The following EFCAB3 variants were observed in gnomAD, a reference collection of about 807,000 sequenced individuals.
EFCAB3 encodes the protein EF-hand calcium binding domain 3.
In EFCAB3, 36 loss-of-function variants were observed where a neutral mutation model predicts 42.2. The ratio of observed to expected loss-of-function variants is 0.85; its 90% CI spans 0.65 to 1.13. The LOEUF is 1.13. Among genes scored for constraint, EFCAB3 ranks in the 50% most tolerant of loss-of-function variants. The pLI is 0.00. For missense variants in EFCAB3, 418 were observed against 505.1 expected, an observed-to-expected ratio of 0.83 and a Z score of 1.65; for synonymous variants, 170 against 172.8, an observed-to-expected ratio of 0.98 and a Z score of 0.13.
intron 7 of EFCAB3, 144 bp from the exon 8 acceptor site, chr17:62,406,884 G>C (rs2052385): frequency 6.9e-5 from 28 of 406,176 alleles, no homozygotes; most frequent in African/African-American, 2.6e-4. Flanking sequence ...GTGGATGGGT[G>C]GGGGGTGGGA....
Position 62,406,505 on chromosome 17 carries a change from A to G in EFCAB3, c.514A>G (p.Thr172Ala). ...CTATTTCCAAAGAAAATTCCAGCAT[A>G]CTGGCCCAGGAATGTTGTGGAGTCC... ...VSYFQRKFQH[T>A]GPGMLWSPYT... Residue 172 changes from threonine (T) to alanine (A), a missense_variant, in exon 7 of 10, where the codon ACT (threonine) becomes GCT (alanine). Physicochemically the swap from Thr to Ala is moderately conservative, Grantham distance 58. Transcript: ENST00000305286. 1 of 1,602,178 alleles carries G rather than the reference A, an allele frequency of 6.2e-7. No homozygotes were observed. The highest frequency in any genetic ancestry group is 8.5e-7 in the Non-Finnish European group (1 of 1,173,906).
rs761289357 is a variant in EFCAB3 at position 62,406,537 on chromosome 17, T to C, written c.546T>C (p.Thr182=). ...CAGGAATGTTGTGGAGTCCCTACAC[T>C]ATGGGCTATGGAAAAAGGACACTTA... The part of the protein sequence containing the change: ...TGPGMLWSPY[T]MGYGKRTLKP... The change falls in exon 7 of 10, where the codon ACT becomes ACC. Residue 182 remains threonine (T), a synonymous_variant. Coordinates refer to ENST00000305286, the MANE Select transcript of EFCAB3 (RefSeq NM_173503.4). 5 of 1,613,876 alleles carry C rather than the reference T, an allele frequency of 3.1e-6. No individual in the cohort carries two copies. Among genetic ancestry groups the C allele is most frequent in the African/African-American group, 2.7e-5 (2 of 74,862 alleles).
rs766554083 is a variant in EFCAB3 at position 62,413,725 on chromosome 17, C to T, written c.868-7C>T. On this transcript the variant is annotated splice_polypyrimidine_tract_variant and splice_region_variant and intron_variant, in intron 8 of 9. Coordinates refer to ENST00000305286, the MANE Select transcript of EFCAB3 (RefSeq NM_173503.4). ...TTACTAACCTTCTTTTTTAAATATG[C>T]ATAAAGGCAGCAAATATAAAGTCTA... 2 of 1,589,788 alleles carry T rather than the reference C, an allele frequency of 1.3e-6. No individual in the cohort carries two copies. The highest frequency in any genetic ancestry group is 4.5e-5 in the East Asian group (2 of 44,694).
intron 3 of EFCAB3, among the ~76,000 whole-genome samples, chr17:62,389,651 G>A (rs1270936211): frequency 1.3e-5 from 2 of 151,984 alleles, no homozygotes; most frequent in Admixed American, 6.6e-5. Context: ...TCACCTCCAT[G>A]TCTACCTCCT....
At position 62,382,976 on chromosome 17, in the gene EFCAB3, C is replaced by T; in HGVS notation, c.-4C>T. The T allele has an allele frequency of 1.9e-6, 3 of 1,612,972 alleles. No homozygotes were observed. The highest frequency in any genetic ancestry group is 2.5e-6 in the Non-Finnish European group (3 of 1,179,608). ...TCTGAATTCCAGACAGAGTCACTGG[C>T]CACATGGCAGTTTCAGAAATTAAAC... On this transcript the variant is annotated 5_prime_UTR_variant, in exon 2 of 10. Coordinates refer to ENST00000305286, the MANE Select transcript of EFCAB3 (RefSeq NM_173503.4).
At chr17:62,380,241 A>T (rs2070184981), upstream of EFCAB3, among the ~76,000 whole-genome samples, 1 of 152,202 alleles carries the variant, frequency 6.6e-6, no homozygotes, top group Non-Finnish European at 1.5e-5. Context: ...ACCTCAGGTG[A>T]TCTGCCCGCC....
At chr17:62,378,621 G>A (rs999452216), upstream of EFCAB3, among the ~76,000 whole-genome samples, 1 of 152,074 alleles carries the variant, frequency 6.6e-6, no homozygotes, top group African/African-American at 2.4e-5. Context: ...GATCACTTGA[G>A]CCCAGGAATT....
intron 5 of EFCAB3, among the ~76,000 whole-genome samples, chr17:62,394,455 G>A (rs1282558783): frequency 6.6e-6 from 1 of 152,144 alleles, no homozygotes; most frequent in East Asian, 1.9e-4. Flanking sequence ...GAGTCTGCTG[G>A]AGGTTAGAGA....
At position 62,416,374 on chromosome 17, in the gene EFCAB3, T is replaced by C; in HGVS notation, c.*45T>C. The C allele has an allele frequency of 7.3e-7, 1 of 1,365,632 alleles. No homozygotes were observed. 84.6% of individuals were successfully genotyped at this position (1,365,632 alleles called of 1,614,324 possible). ...CAGCTCATCACAAACTACTTTTTCA[T>C]AGTTATCAAAATTATTGTTTCTTGC... On this transcript the variant is annotated 3_prime_UTR_variant, in exon 10 of 10. Coordinates refer to ENST00000305286, the MANE Select transcript of EFCAB3 (RefSeq NM_173503.4).
At chr17:62,404,129 T>C (rs1179998392) in intron 6 of EFCAB3, among the ~76,000 whole-genome samples, 1 of 152,166 alleles carries the variant, frequency 6.6e-6, no homozygotes, top group Admixed American at 6.5e-5. Context: ...GGCCTGTAGT[T>C]ACAGCTACTT....
intron 1 of EFCAB3, among the ~76,000 whole-genome samples, 191 bp from the exon 2 acceptor site, chr17:62,382,772 C>T (rs915736835): frequency 2.0e-5 from 3 of 152,180 alleles, no homozygotes; most frequent in South Asian, 2.1e-4. Flanking sequence ...GCTCAGAAAT[C>T]GGGAACAACG....
At position 62,395,095 on chromosome 17, in the gene EFCAB3, T is replaced by C. The variant is rs770140576; in HGVS notation, c.395T>C (p.Leu132Ser). The stretch of plus-strand genomic sequence containing the variant: ...CCAGAAAAGGAGACCTGTTTAGATT[T>C]GGCTGGCAACCCAGGAATCCTATTG... ...VVPEKETCLD[L>S]AGNPGILLFE... The change falls in exon 6 of 10, where the codon TTG becomes TCG. Residue 132 changes from leucine (L) to serine (S), a missense_variant. Physicochemically the swap from Leu to Ser is moderately radical, Grantham distance 145 (BLOSUM62 -2). Transcript: ENST00000305286. The C allele has an allele frequency of 1.5e-5, 24 of 1,614,022 alleles. No homozygotes were observed. The South Asian group carries it at 2.2e-4, about 15-fold the overall frequency.
At chr17:62,374,557 C>T (rs748986050) in intron 2 of EFCAB3, among the ~76,000 whole-genome samples, 15 of 151,966 alleles carry the variant, frequency 9.9e-5, no homozygotes, top group African/African-American at 3.6e-4. Context: ...GGTTGTAGGC[C>T]CCTTATATTT....
chr17:62,382,700 AT>A (rs1447644957), intron 1 of EFCAB3, among the ~76,000 whole-genome samples: 1 of 152,178 alleles, frequency 6.6e-6, no homozygotes, highest in Non-Finnish European at 1.5e-5. Context: ...TTCACTTAGC[AT>A]TTATTCTTAC....
At chr17:62,398,387 G>C (rs2070370961) in intron 6 of EFCAB3, among the ~76,000 whole-genome samples, 1 of 151,442 alleles carries the variant, frequency 6.6e-6, no homozygotes, top group South Asian at 2.1e-4. Context: ...CTGGGAGGTA[G>C]AGGTTGCAGT....
chr17:62,396,169 G>A (rs1476888153), intron 6 of EFCAB3, among the ~76,000 whole-genome samples: 2 of 152,198 alleles, frequency 1.3e-5, no homozygotes, highest in Non-Finnish European at 2.9e-5. Flanking sequence ...CAATACATGT[G>A]AAGTGCTTAG....
intron 1 of EFCAB3, chr17:62,380,823 T>C (rs926553871): frequency 4.5e-5 from 7 of 157,030 alleles, no homozygotes; most frequent in African/African-American, 1.7e-4. Flanking sequence ...GTAATTGAGT[T>C]GTTTAGAAAC....
intron 9 of EFCAB3, among the ~76,000 whole-genome samples, chr17:62,414,772 C>A (rs528084331): frequency 6.6e-6 from 1 of 152,222 alleles, no homozygotes; most frequent in East Asian, 1.9e-4. Context: ...TTCCTCACAT[C>A]TGCTAATCCC....
rs751594052 is a variant in EFCAB3 at position 62,392,009 on chromosome 17, T to C, written c.295+44T>C. ...CATTGTTTTTCTCATAAAAGATTTTTGTGAATATATAGTTTTCTTTTAATG... is the reference window on the plus strand; with the variant it reads ...CATTGTTTTTCTCATAAAAGATTTTCGTGAATATATAGTTTTCTTTTAATG... On this transcript the variant is annotated intron_variant, in intron 4 of 9. Coordinates refer to ENST00000305286, the MANE Select transcript of EFCAB3 (RefSeq NM_173503.4). 1.5e-5 allele frequency: 24 copies of C among 1,563,446 alleles called. No homozygotes were observed. In the South Asian group the frequency reaches 2.8e-4, roughly 18 times the overall value.
Sources: gnomAD v4.1 joint callset for allele counts (sites outside exome capture counted in the v4.1 genomes callset) on GRCh38, gnomAD v4.1.1 for gene constraint, MANE v1.5 for transcripts, NCBI Gene and HGNC (gene_info 2026-07-23, HGNC 2026-07-21) for gene names.